Variants in KCNIP4 observed in about 807,000 individuals in gnomAD.
KCNIP4 encodes Kv channel-interacting protein 4.
A neutral mutation model predicts 34.0 loss-of-function variants in KCNIP4; 12 were observed. The ratio of observed to expected loss-of-function variants is 0.35; its 90% CI spans 0.23 to 0.57. The LOEUF (loss-of-function observed/expected upper bound fraction) is 0.57, where lower values mean the gene tolerates loss of function less well. Ranked by LOEUF, KCNIP4 falls within the 20% of genes least tolerant of loss-of-function variation. The pLI, the probability that KCNIP4 is intolerant of heterozygous loss-of-function variation, is 0.83. For synonymous variants in KCNIP4, 124 were observed against 102.2 expected, an observed-to-expected ratio of 1.21 and a Z score of -1.29; for missense variants, 238 against 311.7, an observed-to-expected ratio of 0.76 and a Z score of 1.78.
chr4:21,757,450 A>G (rs1343142405), intron 1 of KCNIP4, among the ~76,000 whole-genome samples: 1 of 152,166 alleles, frequency 6.6e-6, no homozygotes, highest in African/African-American at 2.4e-5. Flanking sequence ...ATCTGTCCCA[A>G]GAGAGCACTT....
intron 3 of KCNIP4, among the ~76,000 whole-genome samples, chr4:20,829,365 G>A (rs1718149626): frequency 6.6e-6 from 1 of 151,956 alleles, no homozygotes; most frequent in African/African-American, 2.4e-5. Flanking sequence ...CTGCCACCAT[G>A]CCTGGCTAAT....
Position 21,885,802 on chromosome 4 carries a change from TTTC to T in KCNIP4, c.61+62766_61+62768del, listed in dbSNP as rs540724840. Among the ~76,000 whole-genome samples the T allele has an allele frequency of 7.9e-5, 12 of 152,306 alleles. No individual in the cohort carries two copies. The East Asian group carries it at 2.1e-3, about 27-fold the overall frequency. Reference sequence around the variant, plus strand: ...GAAAGTACTAAGAATATTATGTTTTTTTCCATATGCTACTAATGGGCATCCTGA... The same window carrying T: ...GAAAGTACTAAGAATATTATGTTTTTCATATGCTACTAATGGGCATCCTGA... On this transcript the variant is annotated intron_variant, in intron 1 of 8. Transcript: ENST00000382152.
At chr4:21,503,036 A>G (rs980436206) in intron 1 of KCNIP4, among the ~76,000 whole-genome samples, 12 of 152,172 alleles carry the variant, frequency 7.9e-5, no homozygotes, top group African/African-American at 2.9e-4. Flanking sequence ...TTAGGAACTG[A>G]GATTTATTTA....
chr4:21,446,843 T>C (rs1240945607), intron 1 of KCNIP4, among the ~76,000 whole-genome samples: 1 of 152,168 alleles, frequency 6.6e-6, no homozygotes, highest in East Asian at 1.9e-4. Context: ...ATATATGTTA[T>C]TGGGTATATT....
At chr4:21,078,888 G>A (rs775133123) in intron 1 of KCNIP4, among the ~76,000 whole-genome samples, 20 of 152,178 alleles carry the variant, frequency 1.3e-4, no homozygotes, top group Non-Finnish European at 1.8e-4. Flanking sequence ...TCAAACTGGG[G>A]AGAGTGACTC....
intron 1 of KCNIP4, among the ~76,000 whole-genome samples, chr4:21,068,369 C>T (rs527292532): frequency 9.2e-5 from 14 of 152,272 alleles, no homozygotes; most frequent in African/African-American, 3.1e-4. Context: ...GTCATCACCT[C>T]CTCAAAACGT....
At chr4:21,123,441 C>T (rs1252033728) in intron 1 of KCNIP4, among the ~76,000 whole-genome samples, 2 of 152,040 alleles carry the variant, frequency 1.3e-5, no homozygotes, top group Non-Finnish European at 2.9e-5. Flanking sequence ...TGGAGCATGG[C>T]AATTTTCAAA....
chr4:21,273,263 A>G (rs1017728770), intron 1 of KCNIP4, among the ~76,000 whole-genome samples: 1 of 152,036 alleles, frequency 6.6e-6, no homozygotes, highest in African/African-American at 2.4e-5. Context: ...CTGCCTAATC[A>G]GACCTACCTA....
At chr4:21,409,698 C>T (rs781752302) in intron 1 of KCNIP4, among the ~76,000 whole-genome samples, 5 of 151,900 alleles carry the variant, frequency 3.3e-5, no homozygotes, top group African/African-American at 1.2e-4. Flanking sequence ...TAAAATACAT[C>T]GTTAGGAAAA....
In KCNIP4 at chr4:21,390,364, T is replaced by C. The variant is rs866924433; in HGVS notation, c.62-507655A>G. Among the ~76,000 whole-genome samples, 14 of 152,346 alleles carry C rather than the reference T, an allele frequency of 9.2e-5. 1 individual carries two copies. In the South Asian group the frequency reaches 2.3e-3, roughly 25 times the overall value. On this transcript the variant is annotated intron_variant, in intron 1 of 8. Transcript: ENST00000382152. Reference sequence around the variant, plus strand: ...GCCATTGCTTTTGGTGTTTTAGACATGAAGTCCTTGCCCATGCCTATGTCT... The same window carrying C: ...GCCATTGCTTTTGGTGTTTTAGACACGAAGTCCTTGCCCATGCCTATGTCT...
At chr4:21,125,506 C>T (rs974798684) in intron 1 of KCNIP4, among the ~76,000 whole-genome samples, 2 of 152,194 alleles carry the variant, frequency 1.3e-5, no homozygotes, top group East Asian at 3.9e-4. Context: ...TGAGCCAACG[C>T]GCCTGGCCCA....
At chr4:21,854,962 A>G (rs960349699) in intron 1 of KCNIP4, among the ~76,000 whole-genome samples, 3 of 152,232 alleles carry the variant, frequency 2.0e-5, no homozygotes, top group Non-Finnish European at 2.9e-5. Flanking sequence ...ACAGTTTCCA[A>G]TGAATACTAT....
chr4:21,113,443 TATC>T (rs1377892678), intron 1 of KCNIP4, among the ~76,000 whole-genome samples: 1 of 36,586 alleles, frequency 2.7e-5, no homozygotes, highest in Non-Finnish European at 4.5e-5. Flanking sequence ...GTTGTGCATC[TATC>T]TATAAGTTTA....
At chr4:21,460,093 T>A (rs1729317484) in intron 1 of KCNIP4, among the ~76,000 whole-genome samples, 1 of 129,070 alleles carries the variant, frequency 7.7e-6, no homozygotes. Flanking sequence ...CCTTGCAAAA[T>A]CTGCCCCCCG....
chr4:21,749,531 G>A (rs1420889558), intron 1 of KCNIP4, among the ~76,000 whole-genome samples: 1 of 152,058 alleles, frequency 6.6e-6, no homozygotes, highest in Non-Finnish European at 1.5e-5. Context: ...TGGTGATGGT[G>A]GAAAAATATT....
intron 1 of KCNIP4, among the ~76,000 whole-genome samples, chr4:21,357,250 G>A (rs1718729612): frequency 6.6e-6 from 1 of 152,140 alleles, no homozygotes; most frequent in Admixed American, 6.5e-5. Context: ...CAGGACATAG[G>A]CTTGGGCAAA....
intron 1 of KCNIP4, among the ~76,000 whole-genome samples, chr4:20,930,419 A>G (rs976755256): frequency 6.6e-6 from 1 of 152,036 alleles, no homozygotes; most frequent in Non-Finnish European, 1.5e-5. Context: ...AGAGAAGAAC[A>G]TAGGGGGAAA....
chr4:20,970,454 G>C (rs1019229179), intron 1 of KCNIP4, among the ~76,000 whole-genome samples: 14 of 152,066 alleles, frequency 9.2e-5, no homozygotes, highest in Admixed American at 2.6e-4. Flanking sequence ...TATATATAAA[G>C]GCTTACAAAT....
At chr4:20,864,224 A>C (rs6834506) in intron 2 of KCNIP4, among the ~76,000 whole-genome samples, 14 of 143,318 alleles carry the variant, frequency 9.8e-5, no homozygotes, top group African/African-American at 3.4e-4. Flanking sequence ...GTATATATGC[A>C]TATATATGTA....
Sources: gnomAD v4.1 joint callset for allele counts (sites outside exome capture counted in the v4.1 genomes callset) on GRCh38, gnomAD v4.1.1 for gene constraint, MANE v1.5 for transcripts, NCBI Gene and HGNC (gene_info 2026-07-23, HGNC 2026-07-21) for gene names.